The following DIP2C variants were observed in gnomAD, a reference collection of about 807,000 sequenced individuals.
DIP2C encodes disco-interacting protein 2 homolog C.
Under a neutral mutation model 192.4 loss-of-function variants are expected in DIP2C, and 33 were observed. That is an observed-to-expected ratio of 0.17 (90% CI 0.13 to 0.23). The LOEUF is 0.23. Among genes scored for constraint, DIP2C ranks in the 10% least tolerant of loss-of-function variants. The pLI is 1.00. For synonymous variants in DIP2C, 979 were observed against 864.1 expected (o/e 1.13, Z -2.33); for missense variants, 1,537 against 2,110.1 (o/e 0.73, Z 5.32).
Position 486,449 on chromosome 10 carries a change from G to A in DIP2C, c.157+10C>T. On this transcript the variant is annotated intron_variant, in intron 2 of 36. Transcript: ENST00000280886. The stretch of plus-strand genomic sequence containing the variant: ...TGAGAGGACTCATGCTACTCATGGG[G>A]GTTACCTACTCGGAGGCTGCGGAAG... 2 of 1,595,526 alleles carry A rather than the reference G, an allele frequency of 1.3e-6. No homozygotes were observed. The highest frequency in any genetic ancestry group is 1.7e-6 in the Non-Finnish European group (2 of 1,171,336).
At chr10:580,335 T>C (rs576978728) in intron 1 of DIP2C, among the ~76,000 whole-genome samples, 1 of 152,324 alleles carries the variant, frequency 6.6e-6, no homozygotes, top group African/African-American at 2.4e-5. Context: ...TTATTCAGTG[T>C]GCGTAGTGTA....
At position 551,429 on chromosome 10, in the gene DIP2C, TG is replaced by T. The variant is rs1848581361; in HGVS notation, c.86-64900del. On this transcript the variant is annotated intron_variant, in intron 1 of 36. Transcript: ENST00000280886. ...GTGGAAGGGGTCCAGGCTGCAGGTC[TG>T]CACTCGGCTTCTCCTGGCCCCCGAG... 2.6e-5 allele frequency among the ~76,000 whole-genome samples: 4 copies of T among 152,326 alleles called. No individual in the cohort carries two copies. The South Asian group carries it at 8.3e-4, about 32-fold the overall frequency.
intron 1 of DIP2C, among the ~76,000 whole-genome samples, chr10:530,352 T>C (rs188775556): frequency 8.5e-5 from 13 of 152,268 alleles, no homozygotes; most frequent in African/African-American, 2.6e-4. Context: ...GCTTTATTAA[T>C]GGAAGAATCA....
chr10:450,402 C>T (rs1968761162), intron 3 of DIP2C, among the ~76,000 whole-genome samples: 1 of 152,230 alleles, frequency 6.6e-6, no homozygotes, highest in Non-Finnish European at 1.5e-5. Flanking sequence ...ATTACAATGG[C>T]TCAACTGTAT....
At chr10:442,648 C>A (rs1420532577) in intron 3 of DIP2C, among the ~76,000 whole-genome samples, 2 of 152,202 alleles carry the variant, frequency 1.3e-5, no homozygotes, top group Non-Finnish European at 1.5e-5. Flanking sequence ...CCACTGCTCT[C>A]CCCGCTCCCC....
intron 24 of DIP2C, among the ~76,000 whole-genome samples, chr10:350,632 ATTTTTT>A (rs56171130): frequency 8.3e-5 from 7 of 84,224 alleles, no homozygotes; most frequent in East Asian, 3.5e-4. Context: ...GGGCTCAGGA[ATTTTTT>A]TTTTTTTTTT....
chr10:387,723 C>T (rs200606469), intron 14 of DIP2C, 22 bp downstream of exon 14: 28 of 1,613,614 alleles, frequency 1.7e-5, no homozygotes, highest in East Asian at 2.2e-5. Context: ...TGGACAGACA[C>T]GGCCGGGGGG....
chr10:349,516 C>A, intron 24 of DIP2C, 62 bp from the exon 25 acceptor site: 1 of 1,562,382 alleles, frequency 6.4e-7, no homozygotes, highest in Non-Finnish European at 8.7e-7. Flanking sequence ...TTGCAGAGAG[C>A]GCGCACGCGT....
At chr10:546,790 CAAAA>C (rs34489749) in intron 1 of DIP2C, among the ~76,000 whole-genome samples, 10 of 150,094 alleles carry the variant, frequency 6.7e-5, no homozygotes, top group Non-Finnish European at 1.2e-4. Flanking sequence ...TTCATTATGT[CAAAA>C]AAAAAAATCA....
chr10:540,815 A>G (rs1384376278), intron 1 of DIP2C, among the ~76,000 whole-genome samples: 6 of 152,234 alleles, frequency 3.9e-5, no homozygotes, highest in African/African-American at 7.2e-5. Flanking sequence ...AGCAATCATG[A>G]AAGACTAATA....
intron 22 of DIP2C, 132 bp downstream of exon 22, chr10:362,358 T>TG: frequency 9.4e-7 from 1 of 1,059,304 alleles, no homozygotes; most frequent in Non-Finnish European, 1.3e-6. Flanking sequence ...TCTATTTTCT[T>TG]GGGGTAACCA....
chr10:605,736 C>G (rs961717896), intron 1 of DIP2C, among the ~76,000 whole-genome samples: 1 of 152,180 alleles, frequency 6.6e-6, no homozygotes, highest in Non-Finnish European at 1.5e-5. Context: ...AACCAGCCAC[C>G]AGGATAACAT....
chr10:614,394 C>G (rs1420003347), intron 1 of DIP2C, among the ~76,000 whole-genome samples: 1 of 152,236 alleles, frequency 6.6e-6, no homozygotes, highest in African/African-American at 2.4e-5. Context: ...CACACAGTAC[C>G]CAAGTCTAAC....
At chr10:318,926 C>T (rs1035753279) in intron 31 of DIP2C, among the ~76,000 whole-genome samples, 14 of 145,864 alleles carry the variant, frequency 9.6e-5, no homozygotes, top group Admixed American at 5.6e-4. Flanking sequence ...TTTTTTTATA[C>T]AGAGTCTGGC....
chr10:683,763 C>T (rs925525480), intron 1 of DIP2C, among the ~76,000 whole-genome samples: 2 of 152,186 alleles, frequency 1.3e-5, no homozygotes, highest in Non-Finnish European at 1.5e-5. Context: ...AACCCAGGTT[C>T]CTCAGTGCGC....
intron 23 of DIP2C, 57 bp downstream of exon 23, chr10:357,771 C>T (rs1213562132): frequency 3.7e-6 from 5 of 1,365,426 alleles, no homozygotes; most frequent in Admixed American, 3.5e-5. Context: ...CGCAGATGGT[C>T]GGGGACAGTC....
Position 486,548 on chromosome 10 carries a change from T to G in DIP2C, c.86-18A>C, listed in dbSNP as rs1564776647. The G allele has an allele frequency of 1.2e-6, 2 of 1,600,074 alleles. No individual in the cohort carries two copies. The highest frequency in any genetic ancestry group is 1.1e-5 in the South Asian group (1 of 88,326). On this transcript the variant is annotated intron_variant, in intron 1 of 36. Transcript: ENST00000280886. ...GATGTCACCTGCAAGAGAAGGAAAA[T>G]GAAGTTCAGTATGGTCTCCGTGGAT... is the stretch of plus-strand genomic sequence containing the variant.
At chr10:638,964 G>C (rs761773288) in intron 1 of DIP2C, among the ~76,000 whole-genome samples, 1 of 152,242 alleles carries the variant, frequency 6.6e-6, no homozygotes. Flanking sequence ...TGCCCTCCTG[G>C]CTTCCCAGAA....
intron 1 of DIP2C, among the ~76,000 whole-genome samples, chr10:546,992 G>C (rs1052416010): frequency 6.6e-6 from 1 of 152,210 alleles, no homozygotes; most frequent in Non-Finnish European, 1.5e-5. Flanking sequence ...GGCAGAGTTT[G>C]TAAGTCATTC....
Sources: allele counts gnomAD v4.1 joint callset (sites outside exome capture counted in the v4.1 genomes callset), GRCh38; gene constraint gnomAD v4.1.1; transcripts MANE v1.5; gene names NCBI Gene and HGNC (gene_info 2026-07-23, HGNC 2026-07-21).